The following TMEM132C variants were observed in gnomAD, a reference collection of about 807,000 sequenced individuals.
TMEM132C encodes protein phosphatase 1, regulatory subunit 152.
A neutral mutation model predicts 61.4 loss-of-function variants in TMEM132C; 29 were observed. The ratio of observed to expected loss-of-function variants is 0.47; its 90% CI spans 0.35 to 0.64. The LOEUF (loss-of-function observed/expected upper bound fraction) is 0.64. Among genes scored for constraint, TMEM132C ranks in the 30% least tolerant of loss-of-function variants. The pLI, the probability that TMEM132C is intolerant of heterozygous loss-of-function variation, is 0.00. For synonymous variants in TMEM132C, 656 were observed against 633.1 expected, an observed-to-expected ratio of 1.04 and a Z score of -0.54; for missense variants, 1,408 against 1,476.9, an observed-to-expected ratio of 0.95 and a Z score of 0.76.
At chr12:128,693,270 G>C (rs1003182435) in intron 5 of TMEM132C, among the ~76,000 whole-genome samples, 1 of 152,192 alleles carries the variant, frequency 6.6e-6, no homozygotes, top group Admixed American at 6.5e-5. Context: ...GATGGGGTGG[G>C]TTGTGGGTGC....
intron 4 of TMEM132C, among the ~76,000 whole-genome samples, chr12:128,662,078 C>G (rs1225498474): frequency 6.6e-6 from 1 of 152,044 alleles, no homozygotes; most frequent in Non-Finnish European, 1.5e-5. Flanking sequence ...CATGTTTTCT[C>G]TTTTGTAAAA....
chr12:128,291,673 C>T (rs1871251772), intron 1 of TMEM132C, among the ~76,000 whole-genome samples: 1 of 152,180 alleles, frequency 6.6e-6, no homozygotes, highest in Non-Finnish European at 1.5e-5. Flanking sequence ...GAGTCCTGTG[C>T]TGGTTGAGTG....
At chr12:128,634,449 G>A (rs571553645) in intron 4 of TMEM132C, among the ~76,000 whole-genome samples, 2 of 152,364 alleles carry the variant, frequency 1.3e-5, no homozygotes, top group Non-Finnish European at 2.9e-5. Context: ...TTCTCTATCT[G>A]AGGACAGATG....
intron 3 of TMEM132C, among the ~76,000 whole-genome samples, chr12:128,580,265 C>CA: frequency 6.6e-6 from 1 of 151,718 alleles, no homozygotes. Flanking sequence ...AAAAAAAATA[C>CA]AAAAAATTAG....
At chr12:128,463,822 T>C (rs1289228876) in intron 2 of TMEM132C, among the ~76,000 whole-genome samples, 2 of 152,102 alleles carry the variant, frequency 1.3e-5, no homozygotes, top group Non-Finnish European at 2.9e-5. Flanking sequence ...TGTGGCTAGA[T>C]ACAGAGGACA....
chr12:128,333,779 G>A (rs559795031), intron 1 of TMEM132C, among the ~76,000 whole-genome samples: 7 of 150,890 alleles, frequency 4.6e-5, no homozygotes, highest in African/African-American at 1.7e-4. Flanking sequence ...GGTATGTATG[G>A]TGTATATATG....
At position 128,525,595 on chromosome 12, in the gene TMEM132C, C is replaced by T. The variant is rs573223243; in HGVS notation, c.975-18362C>T. 6.0e-4 allele frequency among the ~76,000 whole-genome samples: 92 copies of T among 152,238 alleles called. 1 individual carries two copies. The highest frequency in any genetic ancestry group is 3.4e-3 in the Middle Eastern group (1 of 294). On this transcript the variant is annotated intron_variant, in intron 2 of 8. Transcript: ENST00000435159. ...ACAGGGCTGATCTGAGTTTTGCACA[C>T]GCCCTTCTGAGAGGTGTATGATCTA...
At chr12:128,614,671 G>T (rs1010665201) in intron 3 of TMEM132C, among the ~76,000 whole-genome samples, 1 of 152,136 alleles carries the variant, frequency 6.6e-6, no homozygotes, top group Non-Finnish European at 1.5e-5. Context: ...TTGGACCAAC[G>T]GTAGTTCCCA....
chr12:128,340,910 C>T lies in TMEM132C; in HGVS notation c.85+73423C>T, dbSNP rs530351647. On this transcript the variant is annotated intron_variant, in intron 1 of 8. Transcript: ENST00000435159. ...TTTTTCTTTCTTTCTCTCTTTCTCT[C>T]TCTCTTTCTCTCTCTCTCTCTCTCT... is the stretch of plus-strand genomic sequence containing the variant. 9.5e-3 allele frequency among the ~76,000 whole-genome samples: 1,064 copies of T among 111,932 alleles called. 18 individuals carry two copies. The highest frequency in any genetic ancestry group is 0.038 in the African/African-American group (1,008 of 26,694). 73.4% of individuals were successfully genotyped at this position (111,932 alleles called of 152,430 possible).
chr12:128,327,977 A>T (rs1565902489), intron 1 of TMEM132C, among the ~76,000 whole-genome samples: 1 of 152,110 alleles, frequency 6.6e-6, no homozygotes, highest in African/African-American at 2.4e-5. Flanking sequence ...GTCTGTGTCC[A>T]TGTTAATGCT....
intron 2 of TMEM132C, among the ~76,000 whole-genome samples, chr12:128,424,857 G>A (rs1869124335): frequency 6.6e-6 from 1 of 152,128 alleles, no homozygotes; most frequent in Non-Finnish European, 1.5e-5. Context: ...GTGGCCACAT[G>A]TTTTGCTTTG....
chr12:128,566,087 G>A (rs1047559819), intron 3 of TMEM132C, among the ~76,000 whole-genome samples: 30 of 149,986 alleles, frequency 2.0e-4, no homozygotes, highest in African/African-American at 6.4e-4. Flanking sequence ...ATGGGGTTTC[G>A]CCATGATGGC....
intron 3 of TMEM132C, among the ~76,000 whole-genome samples, chr12:128,605,742 T>C (rs1400823714): frequency 6.6e-6 from 1 of 152,136 alleles, no homozygotes; most frequent in Non-Finnish European, 1.5e-5. Context: ...ATTCCCCTTT[T>C]TATTGCTTCA....
intron 1 of TMEM132C, among the ~76,000 whole-genome samples, chr12:128,353,385 G>A (rs1021463783): frequency 6.6e-6 from 1 of 152,108 alleles, no homozygotes; most frequent in East Asian, 1.9e-4. Context: ...GAGAACAGAG[G>A]TGCTAACGCT....
intron 1 of TMEM132C, among the ~76,000 whole-genome samples, chr12:128,358,825 G>A (rs1403723460): frequency 6.6e-6 from 1 of 152,160 alleles, no homozygotes; most frequent in Non-Finnish European, 1.5e-5. Flanking sequence ...CAAGATATGT[G>A]AAGGAAACCC....
At chr12:128,568,692 T>A (rs1229235516) in intron 3 of TMEM132C, among the ~76,000 whole-genome samples, 2 of 152,068 alleles carry the variant, frequency 1.3e-5, no homozygotes, top group Non-Finnish European at 2.9e-5. Flanking sequence ...CTCCTGATAC[T>A]GACAAGGAGA....
chr12:128,507,442 C>T (rs139368292), intron 2 of TMEM132C, among the ~76,000 whole-genome samples: 55 of 147,158 alleles, frequency 3.7e-4, no homozygotes, highest in African/African-American at 1.2e-3. Context: ...AAGCCATCCC[C>T]GCAGCTTAGT....
Position 128,535,865 on chromosome 12 carries a change from C to CA in TMEM132C, c.975-8078dup, listed in dbSNP as rs58712156. On this transcript the variant is annotated intron_variant, in intron 2 of 8. Coordinates refer to ENST00000435159, the MANE Select transcript of TMEM132C (RefSeq NM_001136103.3). Reference sequence around the variant, plus strand: ...CCTGGGTGACAGAGCAAGACTCCATCAAAAAAAAAAAAAAGTCAGGAAACA... The same window carrying CA: ...CCTGGGTGACAGAGCAAGACTCCATCAAAAAAAAAAAAAAAGTCAGGAAACA... Among the ~76,000 whole-genome samples the CA allele has an allele frequency of 1.3e-3, 182 of 142,926 alleles. 2 individuals are homozygous for CA. Among genetic ancestry groups the CA allele is most frequent in the Middle Eastern group, 3.6e-3 (1 of 278 alleles). The allele number at this position is 142,926 out of a possible 152,430, so 93.8% of individuals were successfully genotyped here.
At chr12:128,378,936 C>CT (rs1874312793) in intron 1 of TMEM132C, among the ~76,000 whole-genome samples, 1 of 152,150 alleles carries the variant, frequency 6.6e-6, no homozygotes, top group Non-Finnish European at 1.5e-5. Flanking sequence ...GCTTTTCCCC[C>CT]TTTTGCTTGC....
Sources: allele counts gnomAD v4.1 joint callset (sites outside exome capture counted in the v4.1 genomes callset), GRCh38; gene constraint gnomAD v4.1.1; transcripts MANE v1.5; gene names NCBI Gene and HGNC (gene_info 2026-07-23, HGNC 2026-07-21).